Variants in CTNNA3 observed in about 807,000 individuals in gnomAD.
CTNNA3 encodes catenin alpha-3.
In CTNNA3, 76 loss-of-function variants were observed where a neutral mutation model predicts 95.7. That is an observed-to-expected ratio of 0.79 (90% confidence interval 0.66 to 0.96). The LOEUF (loss-of-function observed/expected upper bound fraction) is 0.96, where lower values mean the gene tolerates loss of function less well. Among genes scored for constraint, CTNNA3 ranks in the 40% least tolerant of loss-of-function variants. CTNNA3 has a pLI of 0.00. For missense variants in CTNNA3, 1,191 were observed against 1,089.8 expected, an observed-to-expected ratio of 1.09 and a Z score of -1.31; for synonymous variants, 431 against 374.4, an observed-to-expected ratio of 1.15 and a Z score of -1.74.
At chr10:66,541,907 G>A (rs566039733) in intron 10 of CTNNA3, among the ~76,000 whole-genome samples, 1 of 152,190 alleles carries the variant, frequency 6.6e-6, no homozygotes, top group Admixed American at 6.5e-5. Context: ...ATAAACTAAA[G>A]AGCTTTTGCA....
intron 5 of CTNNA3, among the ~76,000 whole-genome samples, chr10:67,243,601 C>A (rs1469531064): frequency 6.6e-6 from 1 of 152,136 alleles, no homozygotes; most frequent in Admixed American, 6.5e-5. Flanking sequence ...GACAAGCATG[C>A]TTCTCTGGCT....
chr10:67,170,936 C>T (rs892722938), intron 7 of CTNNA3, among the ~76,000 whole-genome samples: 11 of 152,074 alleles, frequency 7.2e-5, no homozygotes, highest in Admixed American at 2.6e-4. Context: ...GGACTTATAA[C>T]TAAAACAGAA....
intron 12 of CTNNA3, among the ~76,000 whole-genome samples, chr10:66,374,696 C>T (rs909543836): frequency 6.9e-6 from 1 of 144,090 alleles, no homozygotes; most frequent in Non-Finnish European, 1.5e-5. Context: ...CTCACTGCAA[C>T]CTCTGCCTCC....
At chr10:66,005,887 G>A (rs1319672577) in intron 15 of CTNNA3, among the ~76,000 whole-genome samples, 1 of 151,722 alleles carries the variant, frequency 6.6e-6, no homozygotes, top group Non-Finnish European at 1.5e-5. Context: ...GCATCACTTA[G>A]GGATGACATT....
At chr10:66,463,846 C>T (rs1242414352) in intron 11 of CTNNA3, among the ~76,000 whole-genome samples, 2 of 150,910 alleles carry the variant, frequency 1.3e-5, no homozygotes, top group African/African-American at 2.4e-5. Flanking sequence ...GCAAAAGAGG[C>T]AAACCATGTG....
At chr10:65,999,683 A>C (rs1380343749) in intron 15 of CTNNA3, among the ~76,000 whole-genome samples, 1 of 152,188 alleles carries the variant, frequency 6.6e-6, no homozygotes. Context: ...TAAATTTTTA[A>C]AATTCTCAGC....
chr10:67,387,974 A>T (rs1844266012), intron 5 of CTNNA3, among the ~76,000 whole-genome samples: 1 of 152,110 alleles, frequency 6.6e-6, no homozygotes, highest in South Asian at 2.1e-4. Flanking sequence ...ACAGAACAGA[A>T]AAACTGGAAA....
At chr10:67,598,165 T>A (rs1032127588) in intron 3 of CTNNA3, among the ~76,000 whole-genome samples, 1 of 152,114 alleles carries the variant, frequency 6.6e-6, no homozygotes, top group Admixed American at 6.5e-5. Flanking sequence ...GGGCTGGGCA[T>A]CCCTGGCCAT....
At chr10:66,137,810 C>A (rs909810972) in intron 13 of CTNNA3, among the ~76,000 whole-genome samples, 1 of 151,892 alleles carries the variant, frequency 6.6e-6, no homozygotes, top group Admixed American at 6.6e-5. Context: ...AGTAAGTGGG[C>A]ATGGTGGCAC....
chr10:67,210,829 C>A (rs1164700633), intron 6 of CTNNA3, among the ~76,000 whole-genome samples: 1 of 152,162 alleles, frequency 6.6e-6, no homozygotes. Context: ...GAATTATCCA[C>A]TCCTATTACA....
At chr10:66,490,847 T>C (rs1839898802) in intron 11 of CTNNA3, among the ~76,000 whole-genome samples, 1 of 152,184 alleles carries the variant, frequency 6.6e-6, no homozygotes, top group Non-Finnish European at 1.5e-5. Flanking sequence ...GCGTGACTAA[T>C]ACATGCTGAC....
At chr10:66,455,764 T>C (rs190362101) in intron 11 of CTNNA3, among the ~76,000 whole-genome samples, 4 of 152,278 alleles carry the variant, frequency 2.6e-5, no homozygotes, top group African/African-American at 2.4e-5. Context: ...CTTCAATAAA[T>C]AGGCTTTCTT....
chr10:66,253,347 T>C (rs1318616050), intron 13 of CTNNA3, among the ~76,000 whole-genome samples: 1 of 152,124 alleles, frequency 6.6e-6, no homozygotes, highest in Non-Finnish European at 1.5e-5. Flanking sequence ...TGCAGGCCTC[T>C]TCTTTGTTTT....
At chr10:67,359,552 G>A (rs988643586) in intron 5 of CTNNA3, among the ~76,000 whole-genome samples, 2 of 152,082 alleles carry the variant, frequency 1.3e-5, no homozygotes, top group Non-Finnish European at 2.9e-5. Flanking sequence ...TGAACTTATA[G>A]AATTGAAAAT....
intron 13 of CTNNA3, among the ~76,000 whole-genome samples, chr10:66,182,705 C>G (rs1170579619): frequency 6.6e-6 from 1 of 151,274 alleles, no homozygotes; most frequent in African/African-American, 2.4e-5. Context: ...GCCAAACTCC[C>G]AGGATCTTAA....
chr10:66,205,882 T>G, intron 13 of CTNNA3, among the ~76,000 whole-genome samples: 1 of 151,898 alleles, frequency 6.6e-6, no homozygotes, highest in Non-Finnish European at 1.5e-5. Flanking sequence ...ATAAAATTGG[T>G]GATTCTTTTT....
At chr10:66,081,845 A>G (rs1229991570) in intron 14 of CTNNA3, among the ~76,000 whole-genome samples, 2 of 152,122 alleles carry the variant, frequency 1.3e-5, no homozygotes, top group Non-Finnish European at 2.9e-5. Context: ...GGCTGGGTGC[A>G]GTGGCTCACG....
chr10:66,136,203 C>T (rs189310110), intron 13 of CTNNA3, among the ~76,000 whole-genome samples: 1,667 of 152,106 alleles, frequency 0.011, 40 homozygotes, highest in Admixed American at 0.047. Context: ...CGCCAGGCCA[C>T]GTAACACAAT....
intron 5 of CTNNA3, among the ~76,000 whole-genome samples, chr10:67,432,759 T>G (rs780674039): frequency 3.9e-5 from 6 of 152,078 alleles, no homozygotes; most frequent in Non-Finnish European, 8.8e-5. Context: ...TAAGGTACTA[T>G]TCACAGATTC....
Sources: allele counts gnomAD v4.1 joint callset (sites outside exome capture counted in the v4.1 genomes callset), GRCh38; gene constraint gnomAD v4.1.1; transcripts MANE v1.5; gene names NCBI Gene and HGNC (gene_info 2026-07-23, HGNC 2026-07-21).